The following CUBN variants were observed in gnomAD, a reference collection of about 807,000 sequenced individuals.
The protein encoded by CUBN is cubilin, also known as 460 kDa receptor.
Under a neutral mutation model 405.3 loss-of-function variants are expected in CUBN, and 282 were observed. That is an observed-to-expected ratio of 0.70 (90% CI 0.63 to 0.77). The LOEUF is 0.77. Among genes scored for constraint, CUBN ranks in the 30% least tolerant of loss-of-function variants. The probability of loss-of-function intolerance (pLI) is 0.00; values close to 1 mark genes in which losing one functional copy is unlikely to be tolerated. For missense variants in CUBN, 4,514 were observed against 4,475.2 expected (o/e 1.01, Z -0.25); for synonymous variants, 1,684 against 1,617.0 (o/e 1.04, Z -0.99).
chr10:17,093,972 A>C (rs943182347), intron 14 of CUBN, among the ~76,000 whole-genome samples: 2 of 152,116 alleles, frequency 1.3e-5, no homozygotes, highest in Non-Finnish European at 2.9e-5. Flanking sequence ...AAGGAGAAGA[A>C]AGAGGAAAAA....
intron 14 of CUBN, among the ~76,000 whole-genome samples, chr10:17,098,617 AAAGG>A (rs1199898523): frequency 1.4e-4 from 21 of 152,198 alleles, no homozygotes; most frequent in African/African-American, 5.1e-4. Context: ...CAAAGACTGG[AAAGG>A]AAGAGGAAAA....
chr10:16,928,519 AC>A (rs1564428886), intron 40 of CUBN, among the ~76,000 whole-genome samples: 2 of 84,046 alleles, frequency 2.4e-5, no homozygotes, highest in Non-Finnish European at 4.8e-5. Context: ...CCCCCACCCC[AC>A]CCCACCCCCC....
chr10:16,885,308 G>A (rs1287660125), intron 56 of CUBN, among the ~76,000 whole-genome samples: 1 of 152,142 alleles, frequency 6.6e-6, no homozygotes, highest in Non-Finnish European at 1.5e-5. Flanking sequence ...AATGTCACAA[G>A]GCATTGTTGT....
Position 16,984,376 on chromosome 10 carries a change from A to T in CUBN, c.4351-97T>A. The stretch of plus-strand genomic sequence containing the variant: ...TTTGACCCCCGGCTCCTTGGGTTCT[A>T]TGATTATTAGAGATTGAAATCTCAG... On this transcript the variant is annotated intron_variant, in intron 29 of 66. Transcript: ENST00000377833. 6.6e-6 allele frequency: 8 copies of T among 1,217,584 alleles called. 1 individual carries two copies. Among genetic ancestry groups the T allele is most frequent in the Non-Finnish European group, 9.5e-6 (8 of 844,762 alleles). 75.4% of individuals were successfully genotyped at this position (1,217,584 alleles called of 1,614,324 possible). A position where few individuals can be genotyped will look rare whatever the true frequency, so the allele number is the denominator to read the frequency against.
chr10:17,097,486 A>G (rs1008214607), intron 14 of CUBN, among the ~76,000 whole-genome samples: 9 of 152,158 alleles, frequency 5.9e-5, no homozygotes, highest in Admixed American at 5.9e-4. Context: ...AATATTGTCA[A>G]TCTTACACAA....
intron 22 of CUBN, among the ~76,000 whole-genome samples, chr10:17,061,225 C>T (rs1218399905): frequency 6.6e-6 from 1 of 152,154 alleles, no homozygotes; most frequent in Non-Finnish European, 1.5e-5. Flanking sequence ...AGTTACAGTC[C>T]AATCCACTAT....
rs145040263 is a variant in CUBN, at chr10:17,075,460, G to A, written c.2302-3489C>T. Among the ~76,000 whole-genome samples, 1,346 of 152,208 alleles carry A rather than the reference G, an allele frequency of 8.8e-3. 20 individuals are homozygous for A. The highest frequency in any genetic ancestry group is 0.031 in the African/African-American group (1,299 of 41,506). ...CGACAGTTACTCTCATCCATAACTG[G>A]TGGAAGTATAAAGTTCTGGAAAATA... On this transcript the variant is annotated intron_variant, in intron 17 of 66. Coordinates refer to ENST00000377833, the MANE Select transcript of CUBN (RefSeq NM_001081.4).
intron 22 of CUBN, among the ~76,000 whole-genome samples, chr10:17,060,136 T>C (rs1322521003): frequency 1.3e-5 from 2 of 152,202 alleles, no homozygotes; most frequent in South Asian, 2.1e-4. Flanking sequence ...TTTTCTTTTT[T>C]TTTTCATGGA....
At chr10:16,901,577 G>A in intron 51 of CUBN, 118 bp from the exon 52 acceptor site, 1 of 1,343,692 alleles carries the variant, frequency 7.4e-7, no homozygotes, top group Non-Finnish European at 1.0e-6. Flanking sequence ...AGTAAGGCCA[G>A]GCATGGTGGC....
At chr10:17,010,744 T>C (rs1160271494) in intron 28 of CUBN, among the ~76,000 whole-genome samples, 3 of 152,224 alleles carry the variant, frequency 2.0e-5, no homozygotes, top group Non-Finnish European at 4.4e-5. Context: ...TGGGAATTCC[T>C]AATGTACGTT....
intron 11 of CUBN, among the ~76,000 whole-genome samples, chr10:17,105,021 C>T (rs1460944520): frequency 6.6e-6 from 1 of 151,616 alleles, no homozygotes; most frequent in South Asian, 2.1e-4. Context: ...TCAGGCTGGT[C>T]TTGATCTCCT....
intron 64 of CUBN, among the ~76,000 whole-genome samples, chr10:16,831,900 G>A (rs1839011954): frequency 6.6e-6 from 1 of 152,270 alleles, no homozygotes; most frequent in Non-Finnish European, 1.5e-5. Context: ...GCTGTAAAGA[G>A]GCTATGAAAA....
At chr10:16,973,862 G>A (rs553486727) in intron 31 of CUBN, among the ~76,000 whole-genome samples, 58 of 152,224 alleles carry the variant, frequency 3.8e-4, no homozygotes, top group Admixed American at 2.4e-3. Flanking sequence ...TGGTGTATAC[G>A]TAGCACGTTT....
At chr10:16,955,970 A>G (rs1202078334) in intron 31 of CUBN, among the ~76,000 whole-genome samples, 1 of 152,204 alleles carries the variant, frequency 6.6e-6, no homozygotes, top group African/African-American at 2.4e-5. Context: ...AAATATGGCC[A>G]TTTCATTAAA....
rs549825854 is a variant in CUBN at position 16,983,460 on chromosome 10, G to T, written c.4525+645C>A. On this transcript the variant is annotated intron_variant, in intron 30 of 66. Coordinates refer to ENST00000377833, the MANE Select transcript of CUBN (RefSeq NM_001081.4). ...GACACTAACCTTTCTAAGCTTCAGT[G>T]TCCACACTGGTAAGATGAGGATATG... Among the ~76,000 whole-genome samples the T allele has an allele frequency of 3.3e-5, 5 of 152,324 alleles. No homozygotes were observed. The South Asian group carries it at 8.3e-4, about 25-fold the overall frequency.
At chr10:17,102,252 CCTATTTATTTATTTAT>C (rs1446114417) in intron 13 of CUBN, among the ~76,000 whole-genome samples, 24 of 145,112 alleles carry the variant, frequency 1.7e-4, no homozygotes, top group East Asian at 6.1e-4. Flanking sequence ...GGAGGATCCT[CCTATTTATTTATTTAT>C]TTATTTATTT....
chr10:17,016,024 T>C (rs906591827), intron 28 of CUBN, among the ~76,000 whole-genome samples: 1 of 152,168 alleles, frequency 6.6e-6, no homozygotes, highest in South Asian at 2.1e-4. Context: ...CCTCCAGATT[T>C]TGTTCAGGAC....
intron 48 of CUBN, among the ~76,000 whole-genome samples, chr10:16,911,642 C>A (rs1449692861): frequency 1.3e-5 from 2 of 152,148 alleles, no homozygotes; most frequent in Non-Finnish European, 2.9e-5. Flanking sequence ...TGTTCATATT[C>A]TCTTTCCTAA....
In CUBN at chr10:16,906,450, T is replaced by C. The variant is rs191541327; in HGVS notation, c.7706-41A>G. The C allele has an allele frequency of 5.7e-5, 78 of 1,362,318 alleles. No individual in the cohort carries two copies. The African/African-American group carries it at 9.9e-4, about 17-fold the overall frequency. 84.4% of individuals were successfully genotyped at this position (1,362,318 alleles called of 1,614,324 possible). A position where few individuals can be genotyped will look rare whatever the true frequency, so the allele number is the denominator to read the frequency against. On this transcript the variant is annotated intron_variant, in intron 49 of 66. Coordinates refer to ENST00000377833, the MANE Select transcript of CUBN (RefSeq NM_001081.4). ...GCAACAGAGAAAGTAGTAGTAAGAT[T>C]CAGGCCACAACGGAAGAGATAAACA...
Sources: allele counts gnomAD v4.1 joint callset (sites outside exome capture counted in the v4.1 genomes callset), GRCh38; gene constraint gnomAD v4.1.1; transcripts MANE v1.5; gene names NCBI Gene and HGNC (gene_info 2026-07-23, HGNC 2026-07-21).